Variants in DLGAP4 observed in about 807,000 individuals in gnomAD.
DLGAP4 encodes DLG associated protein 4.
DLGAP4 carries 18 observed loss-of-function variants against 86.9 expected under a neutral mutation model. That is an observed-to-expected ratio of 0.21 (90% CI 0.14 to 0.31). The LOEUF (loss-of-function observed/expected upper bound fraction) is 0.31, where lower values mean the gene tolerates loss of function less well. DLGAP4 is among the 10% of genes least tolerant of loss of function. DLGAP4 has a pLI of 1.00. For synonymous variants in DLGAP4, 548 were observed against 574.3 expected, an observed-to-expected ratio of 0.95 and a Z score of 0.65; for missense variants, 1,085 against 1,362.6, an observed-to-expected ratio of 0.80 and a Z score of 3.21.
At position 36,422,359 on chromosome 20, in the gene DLGAP4, C is replaced by CAGA. The variant is rs569386055; in HGVS notation, c.-72-9284_-72-9282dup. ...CTACCTCTGTTAATGCAACCTTAGA[C>CAGA]AGAAGTAGGCTTTCTGGTAGTAACA... On this transcript the variant is annotated intron_variant, in intron 2 of 12. Coordinates refer to ENST00000339266, the MANE Select transcript of DLGAP4 (RefSeq NM_001365621.2). 1.0e-3 allele frequency among the ~76,000 whole-genome samples: 158 copies of CAGA among 152,248 alleles called. 1 individual carries two copies. The highest frequency in any genetic ancestry group is 3.7e-3 in the African/African-American group (152 of 41,532).
At chr20:36,387,697 C>A (rs530068910) in intron 2 of DLGAP4, among the ~76,000 whole-genome samples, 1 of 152,240 alleles carries the variant, frequency 6.6e-6, no homozygotes, top group South Asian at 2.1e-4. Flanking sequence ...AAATAGGGAT[C>A]TGATTTCATT....
chr20:36,380,119 G>A (rs2031317752), intron 2 of DLGAP4, among the ~76,000 whole-genome samples: 1 of 151,660 alleles, frequency 6.6e-6, no homozygotes, highest in Admixed American at 6.6e-5. Flanking sequence ...GGAGTTCAAG[G>A]ATACAGCAAG....
intron 7 of DLGAP4, among the ~76,000 whole-genome samples, chr20:36,468,769 A>G (rs2034530221): frequency 6.6e-6 from 1 of 152,200 alleles, no homozygotes; most frequent in South Asian, 2.1e-4. Flanking sequence ...AGGTTTTGAG[A>G]GATTTTTTGC....
intron 1 of DLGAP4, among the ~76,000 whole-genome samples, chr20:36,331,075 T>TC (rs1393947681): frequency 2.4e-4 from 37 of 152,222 alleles, no homozygotes; most frequent in African/African-American, 7.7e-4. Context: ...AGACAGCTCA[T>TC]CCCCCCTGGG....
At chr20:36,477,550 C>G (rs1332254524) in intron 7 of DLGAP4, among the ~76,000 whole-genome samples, 1 of 152,156 alleles carries the variant, frequency 6.6e-6, no homozygotes, top group African/African-American at 2.4e-5. Context: ...GCCACTGCCC[C>G]CTATGGAGGC....
Position 36,431,861 on chromosome 20 carries a change from G to T in DLGAP4, c.144G>T (p.Gly48=). 6.2e-7 allele frequency: 1 copy of T among 1,614,076 alleles called. No homozygotes were observed. Among genetic ancestry groups the T allele is most frequent in the African/African-American group, 1.3e-5 (1 of 75,046 alleles). Residue 48 remains glycine (G), a synonymous_variant, in exon 3 of 13, where the codon GGG becomes GGT. Coordinates refer to ENST00000339266, the MANE Select transcript of DLGAP4 (RefSeq NM_001365621.2). This position sits in a 1 kb window ranked among gnomAD's most constrained non-coding sequence, Gnocchi z 5.1. Reference sequence around the variant, plus strand: ...TCGCCCGCGAGGCCCGCTTCCCCGGGCAGAACACCCTGCCAGGAGATGGCC... The same window carrying T: ...TCGCCCGCGAGGCCCGCTTCCCCGGTCAGAACACCCTGCCAGGAGATGGCC... The part of the protein sequence containing the change: ...EAFAREARFP[G]QNTLPGDGLF...
intron 10 of DLGAP4, among the ~76,000 whole-genome samples, chr20:36,514,838 G>T: frequency 6.6e-6 from 1 of 152,154 alleles, no homozygotes; most frequent in Non-Finnish European, 1.5e-5. Context: ...ATCCTTAGGT[G>T]AGAAGGAATC....
chr20:36,463,026 C>T (rs1217284785), intron 7 of DLGAP4, among the ~76,000 whole-genome samples: 2 of 152,062 alleles, frequency 1.3e-5, no homozygotes, highest in Non-Finnish European at 2.9e-5. Context: ...TGGGGTCAGC[C>T]TCCTAGGCAG....
At chr20:36,485,829 G>A (rs1453075758) in intron 7 of DLGAP4, among the ~76,000 whole-genome samples, 1 of 152,184 alleles carries the variant, frequency 6.6e-6, no homozygotes, top group African/African-American at 2.4e-5. Context: ...GTTGCTGGAA[G>A]CACCACATGC....
intron 1 of DLGAP4, among the ~76,000 whole-genome samples, chr20:36,338,047 T>C (rs1373814173): frequency 6.6e-6 from 1 of 152,176 alleles, no homozygotes; most frequent in Non-Finnish European, 1.5e-5. Flanking sequence ...GGTCCACATG[T>C]GTGGGCAAGT....
chr20:36,409,430 T>TA (rs1643491912), intron 2 of DLGAP4, among the ~76,000 whole-genome samples: 1 of 118,952 alleles, frequency 8.4e-6, no homozygotes, highest in African/African-American at 3.2e-5. Context: ...TTTTTTTTTT[T>TA]AACTCTAAAG....
intron 2 of DLGAP4, among the ~76,000 whole-genome samples, chr20:36,422,753 C>T (rs1042714854): frequency 6.6e-6 from 1 of 152,190 alleles, no homozygotes; most frequent in Non-Finnish European, 1.5e-5. Context: ...ACAGAGGCAC[C>T]ATGGAGCAGG....
intron 2 of DLGAP4, among the ~76,000 whole-genome samples, chr20:36,383,426 A>G (rs969629843): frequency 1.3e-5 from 2 of 152,074 alleles, no homozygotes; most frequent in Non-Finnish European, 2.9e-5. Flanking sequence ...CCTTGAGATG[A>G]GGTGGCATTG....
intron 1 of DLGAP4, among the ~76,000 whole-genome samples, chr20:36,356,912 C>T (rs2030348283): frequency 6.6e-6 from 1 of 152,172 alleles, no homozygotes; most frequent in Non-Finnish European, 1.5e-5. Flanking sequence ...ATCAAACCAG[C>T]CCCAAATTGG....
At chr20:36,424,892 C>A (rs866983431) in intron 2 of DLGAP4, among the ~76,000 whole-genome samples, 1 of 152,108 alleles carries the variant, frequency 6.6e-6, no homozygotes, top group African/African-American at 2.4e-5. Context: ...CAAGCCACCA[C>A]GTCTGGCTAA....
intron 2 of DLGAP4, among the ~76,000 whole-genome samples, chr20:36,401,339 A>G (rs939004101): frequency 9.2e-5 from 14 of 152,234 alleles, no homozygotes; most frequent in African/African-American, 2.2e-4. Flanking sequence ...CAGAATATCA[A>G]TTAGCATCCA....
At chr20:36,317,241 T>C (rs2065111095) in intron 1 of DLGAP4, among the ~76,000 whole-genome samples, 1 of 52,212 alleles carries the variant, frequency 1.9e-5, no homozygotes, top group African/African-American at 1.2e-4. Context: ...CTTTCTTTCT[T>C]TCTTTCTTTC....
At chr20:36,481,599 C>T (rs1235841851) in intron 7 of DLGAP4, among the ~76,000 whole-genome samples, 1 of 152,218 alleles carries the variant, frequency 6.6e-6, no homozygotes, top group Non-Finnish European at 1.5e-5. Flanking sequence ...TCATTGTCAT[C>T]TCCACATTTC....
intron 1 of DLGAP4, among the ~76,000 whole-genome samples, chr20:36,335,897 T>G (rs531180217): frequency 6.6e-6 from 1 of 152,230 alleles, no homozygotes; most frequent in South Asian, 2.1e-4. Context: ...AATGACTTGT[T>G]GACTCCCAGG....
Sources: allele counts gnomAD v4.1 joint callset (sites outside exome capture counted in the v4.1 genomes callset), GRCh38; gene constraint gnomAD v4.1.1; non-coding constraint Gnocchi (gnomAD v3.1); transcripts MANE v1.5; gene names NCBI Gene and HGNC (gene_info 2026-07-23, HGNC 2026-07-21).